DCLK1: variants seen among roughly 807,000 people sequenced by gnomAD.
The protein encoded by DCLK1 is serine/threonine-protein kinase DCLK1.
A neutral mutation model predicts 86.2 loss-of-function variants in DCLK1; 16 were observed. That is an observed-to-expected ratio of 0.19 (90% CI 0.13 to 0.28). The LOEUF (loss-of-function observed/expected upper bound fraction) is 0.28. Ranked by LOEUF, DCLK1 falls within the 10% of genes least tolerant of loss-of-function variation. The probability of loss-of-function intolerance (pLI) is 1.00; values close to 1 mark genes in which losing one functional copy is unlikely to be tolerated. For synonymous variants in DCLK1, 369 were observed against 370.5 expected (o/e 1.00, Z 0.05); for missense variants, 590 against 940.2 (o/e 0.63, Z 4.87).
intron 10 of DCLK1, among the ~76,000 whole-genome samples, chr13:35,826,087 C>G (rs2087517202): frequency 6.6e-6 from 1 of 152,014 alleles, no homozygotes; most frequent in African/African-American, 2.4e-5. Flanking sequence ...GGTGGGATTA[C>G]AGGTGTGAGT....
rs140772244 is a variant in DCLK1 at position 35,844,562 on chromosome 13, C to T, written c.1036-5386G>A. Among the ~76,000 whole-genome samples, 974 of 152,276 alleles carry T rather than the reference C, an allele frequency of 6.4e-3. 18 individuals carry two copies. The highest frequency in any genetic ancestry group is 0.036 in the Admixed American group (557 of 15,284). ...TCATGAGTTACACCCTTCATGAAAT[C>T]GTAGTTTGGAAGCAGCCCAGGAAGT... On this transcript the variant is annotated intron_variant, in intron 6 of 16. Transcript: ENST00000360631.
intron 5 of DCLK1, among the ~76,000 whole-genome samples, chr13:35,859,866 C>T (rs2153111945): frequency 6.6e-6 from 1 of 152,330 alleles, no homozygotes; most frequent in Admixed American, 6.5e-5. Flanking sequence ...TTTTAAATGA[C>T]TTTCCACGCA....
chr13:35,884,905 C>T (rs1873136610), intron 4 of DCLK1, among the ~76,000 whole-genome samples: 1 of 152,166 alleles, frequency 6.6e-6, no homozygotes, highest in Non-Finnish European at 1.5e-5. Flanking sequence ...TCCATTAAAA[C>T]AAAGCCACAG....
rs1555342394 is a variant in DCLK1, at chr13:35,826,554, A to AGGAGGGAGGGAGGGAGGGAGGGAGGGAGG, written c.1407+1080_1407+1081insCCTCCCTCCCTCCCTCCCTCCCTCCCTCC. On this transcript the variant is annotated intron_variant, in intron 10 of 16. Transcript: ENST00000360631. Reference sequence around the variant, plus strand: ...AAAAAAAAAAAAAAGAAAGAAAGAAAGAAAGAAACAAGTCCTAATTTGAAG... The same window carrying AGGAGGGAGGGAGGGAGGGAGGGAGGGAGG: ...AAAAAAAAAAAAAAGAAAGAAAGAAAGGAGGGAGGGAGGGAGGGAGGGAGGGAGGGAAAGAAACAAGTCCTAATTTGAAG... Among the ~76,000 whole-genome samples the AGGAGGGAGGGAGGGAGGGAGGGAGGGAGG allele has an allele frequency of 5.0e-4, 14 of 27,874 alleles. 1 individual carries two copies. The highest frequency in any genetic ancestry group is 7.2e-4 in the African/African-American group (11 of 15,296). The allele number at this position is 27,874 out of a possible 152,430, so 18.3% of individuals were successfully genotyped here.
intron 4 of DCLK1, among the ~76,000 whole-genome samples, chr13:35,927,394 G>A (rs1477685437): frequency 6.6e-6 from 1 of 152,150 alleles, no homozygotes; most frequent in African/African-American, 2.4e-5. Flanking sequence ...TCTTGAGAAG[G>A]GAGTGATCAG....
chr13:35,909,104 G>C (rs1874850678), intron 4 of DCLK1, among the ~76,000 whole-genome samples: 1 of 152,210 alleles, frequency 6.6e-6, no homozygotes, highest in South Asian at 2.1e-4. Context: ...AGGTATGTTT[G>C]GACTGTGTCA....
chr13:35,844,494 G>T (rs1051716491), intron 6 of DCLK1, among the ~76,000 whole-genome samples: 3 of 152,160 alleles, frequency 2.0e-5, no homozygotes, highest in African/African-American at 7.2e-5. Flanking sequence ...TGAACCATTT[G>T]TCCCAAGGAG....
At chr13:36,126,851 T>G (rs1466002905) in intron 1 of DCLK1, among the ~76,000 whole-genome samples, 2 of 152,234 alleles carry the variant, frequency 1.3e-5, no homozygotes, top group Non-Finnish European at 2.9e-5. Context: ...TCCAAAGTAT[T>G]GTCCTTCCTT....
intron 5 of DCLK1, chr13:35,869,165 T>C (rs1219680629): frequency 2.0e-6 from 1 of 502,888 alleles, no homozygotes; most frequent in Non-Finnish European, 4.0e-6. Flanking sequence ...CAGAGCTCAA[T>C]ATTAACCTGT....
chr13:35,836,021 T>A lies in DCLK1; in HGVS notation c.1229+12A>T, dbSNP rs765267700. On this transcript the variant is annotated intron_variant, in intron 8 of 16. Coordinates refer to ENST00000360631, the MANE Select transcript of DCLK1 (RefSeq NM_001330071.2). Reference sequence around the variant, plus strand: ...AACCTTTAAGGTTTGATGCAAATGATATCCTTCTCACCTTTCTACACATTC... The same window carrying A: ...AACCTTTAAGGTTTGATGCAAATGAAATCCTTCTCACCTTTCTACACATTC... 5.5e-5 allele frequency: 86 copies of A among 1,563,322 alleles called. No homozygotes were observed. The highest frequency in any genetic ancestry group is 1.1e-5 in the Non-Finnish European group (13 of 1,139,598).
intron 4 of DCLK1, among the ~76,000 whole-genome samples, chr13:35,878,766 C>T (rs1872721895): frequency 6.6e-6 from 1 of 151,334 alleles, no homozygotes; most frequent in African/African-American, 2.4e-5. Context: ...TAAATACATA[C>T]ACTTACTATG....
intron 3 of DCLK1, among the ~76,000 whole-genome samples, chr13:35,973,945 T>G (rs1879194307): frequency 6.6e-6 from 1 of 152,130 alleles, no homozygotes; most frequent in Non-Finnish European, 1.5e-5. Context: ...CAGTGAGGTT[T>G]GGGGCAAAGG....
chr13:36,042,379 A>G (rs1882729569), intron 3 of DCLK1, among the ~76,000 whole-genome samples: 1 of 152,182 alleles, frequency 6.6e-6, no homozygotes, highest in Non-Finnish European at 1.5e-5. Context: ...TGGTTGAGAA[A>G]CTAGTGGCTA....
Position 36,110,931 on chromosome 13 carries a change from C to T in DCLK1, c.723+938G>A, listed in dbSNP as rs558455720. Among the ~76,000 whole-genome samples the T allele has an allele frequency of 3.3e-3, 492 of 150,290 alleles. 1 individual carries two copies. The highest frequency in any genetic ancestry group is 0.012 in the African/African-American group (472 of 40,838). ...CTGCAAGCTCCGCCTCCCGGGTTCA[C>T]GCCATTCTCCTGCCTCAGCCCCCTG... On this transcript the variant is annotated intron_variant, in intron 3 of 16. Coordinates refer to ENST00000360631, the MANE Select transcript of DCLK1 (RefSeq NM_001330071.2).
chr13:35,994,388 A>G (rs1247105902), intron 3 of DCLK1, among the ~76,000 whole-genome samples: 1 of 152,208 alleles, frequency 6.6e-6, no homozygotes, highest in African/African-American at 2.4e-5. Context: ...ATAGTCAATC[A>G]CATTACAGCC....
At chr13:35,782,717 G>A (rs999626912) in intron 16 of DCLK1, among the ~76,000 whole-genome samples, 5 of 152,186 alleles carry the variant, frequency 3.3e-5, no homozygotes, top group Non-Finnish European at 5.9e-5. Context: ...TTTATTGAAG[G>A]CCTCTTCTAC....
chr13:35,946,818 C>T (rs540213491), intron 4 of DCLK1, among the ~76,000 whole-genome samples: 1 of 152,126 alleles, frequency 6.6e-6, no homozygotes, highest in Non-Finnish European at 1.5e-5. Context: ...ATAACCATCC[C>T]CTCTTTATCT....
chr13:35,826,221 T>C (rs894041500), intron 10 of DCLK1, among the ~76,000 whole-genome samples: 45 of 151,982 alleles, frequency 3.0e-4, no homozygotes, highest in South Asian at 6.2e-4. Flanking sequence ...AAGGCTCCCA[T>C]TCTTTGAAAG....
rs1020056393 is a variant in DCLK1, at chr13:35,976,538, T to G, written c.724-29081A>C. Among the ~76,000 whole-genome samples, 7 of 123,216 alleles carry G rather than the reference T, an allele frequency of 5.7e-5. No individual in the cohort carries two copies. The South Asian group carries it at 2.0e-3, about 36-fold the overall frequency. 80.8% of individuals were successfully genotyped at this position (123,216 alleles called of 152,430 possible). On this transcript the variant is annotated intron_variant, in intron 3 of 16. Coordinates refer to ENST00000360631, the MANE Select transcript of DCLK1 (RefSeq NM_001330071.2). The stretch of plus-strand genomic sequence containing the variant: ...AGCTTCTCCGAGGTTTTTTTTTTTT[T>G]TTTTTTTTTTGAGACGGAGTCTCGC...
Sources: allele counts gnomAD v4.1 joint callset (sites outside exome capture counted in the v4.1 genomes callset), GRCh38; gene constraint gnomAD v4.1.1; transcripts MANE v1.5; gene names NCBI Gene and HGNC (gene_info 2026-07-23, HGNC 2026-07-21).